The following LMBR1L variants were observed in gnomAD, a reference collection of about 807,000 sequenced individuals.
LMBR1L encodes protein LMBR1L.
Under a neutral mutation model 67.3 loss-of-function variants are expected in LMBR1L, and 47 were observed. The observed-to-expected ratio is 0.70, with a 90% CI of 0.55 to 0.89. The LOEUF is 0.89. LMBR1L is among the 40% of genes least tolerant of loss of function. The pLI is 0.00. For missense variants in LMBR1L, 533 were observed against 599.2 expected (o/e 0.89, Z 1.15); for synonymous variants, 247 against 250.3 (o/e 0.99, Z 0.13).
At chr12:49,104,380 A>T in intron 5 of LMBR1L, 68 bp downstream of exon 5, 2 of 1,180,718 alleles carry the variant, frequency 1.7e-6, no homozygotes, top group Non-Finnish European at 2.5e-6. Context: ...CCTCTTTATT[A>T]AAATCTCTTC....
chr12:49,110,438 C>T, intron 1 of LMBR1L, 46 bp downstream of exon 1: 1 of 1,582,742 alleles, frequency 6.3e-7, no homozygotes, highest in African/African-American at 1.3e-5. Context: ...CCAACCTCCC[C>T]GTCTCCCGCA....
In LMBR1L at chr12:49,104,786, C is replaced by T; in HGVS notation, c.291G>A (p.Arg97=). 6.2e-7 allele frequency: 1 copy of T among 1,613,732 alleles called. No individual in the cohort carries two copies. The highest frequency in any genetic ancestry group is 8.5e-7 in the Non-Finnish European group (1 of 1,179,874). The part of the protein sequence containing the change: ...ISNEVLLSLP[R]NYYIQWLNGS... ...CGTTGAGCCACTGGATGTAGTAGTT[C>T]CGAGGCAGGGAGAGCAGCACCTCAT... The change falls in exon 4 of 17, where the codon CGG becomes CGA. Residue 97 remains arginine (R), a synonymous_variant. Transcript: ENST00000267102.
chr12:49,106,022 G>C, intron 2 of LMBR1L, 65 bp from the exon 3 acceptor site: 1 of 1,376,186 alleles, frequency 7.3e-7, no homozygotes, highest in South Asian at 1.2e-5. Flanking sequence ...GAGGCCGTTA[G>C]TATTACAATG....
At chr12:49,105,029 G>A in intron 3 of LMBR1L, 144 bp from the exon 4 acceptor site, 1 of 921,134 alleles carries the variant, frequency 1.1e-6, no homozygotes. Flanking sequence ...TGTCCAGCTG[G>A]GGTTCTACCC....
chr12:49,102,303 C>G lies in LMBR1L; in HGVS notation c.843G>C (p.Arg281Ser). The change falls in exon 10 of 17, where the codon AGG (arginine) becomes AGC (serine). Residue 281 changes from arginine (R) to serine (S), a missense_variant. Around this residue, in one of 3 missense-constraint regions of LMBR1L, gnomAD observed 64 missense variants for 109.0 expected, o/e 0.59. Coordinates refer to ENST00000267102, the MANE Select transcript of LMBR1L (RefSeq NM_018113.4). The stretch of plus-strand genomic sequence containing the variant: ...TACGAAGCCACATACCCAGCAGGAC[C>G]CTCTGTGTCTGCAGAGCCAGGACCT... Reference protein sequence around the residue: ...HRQVLALQTQRVLLEKRRKAS... With the variant: ...HRQVLALQTQSVLLEKRRKAS... The G allele has an allele frequency of 1.9e-6, 3 of 1,614,222 alleles. No homozygotes were observed. Among genetic ancestry groups the G allele is most frequent in the Non-Finnish European group, 2.5e-6 (3 of 1,180,020 alleles).
At chr12:49,103,012 C>T in intron 7 of LMBR1L, 61 bp from the exon 8 acceptor site, 2 of 1,605,652 alleles carry the variant, frequency 1.2e-6, no homozygotes, top group African/African-American at 1.3e-5. Context: ...CCTAACATGC[C>T]CCCCATTCCC....
At chr12:49,099,983 C>T (rs1461382877) in intron 15 of LMBR1L, among the ~76,000 whole-genome samples, 1 of 152,192 alleles carries the variant, frequency 6.6e-6, no homozygotes, top group African/African-American at 2.4e-5. Context: ...AAGCACTAGC[C>T]TGGGGTTCAG....
At chr12:49,109,099 C>G (rs1941253165) in intron 1 of LMBR1L, among the ~76,000 whole-genome samples, 1 of 152,168 alleles carries the variant, frequency 6.6e-6, no homozygotes, top group Non-Finnish European at 1.5e-5. Flanking sequence ...TTCCAAGAAG[C>G]TAGGCTGCTC....
chr12:49,098,243 G>T, intron 15 of LMBR1L, 138 bp from the exon 16 acceptor site: 2 of 878,814 alleles, frequency 2.3e-6, no homozygotes, highest in Non-Finnish European at 3.5e-6. Flanking sequence ...TACCACCCAA[G>T]CTGTCTCAAG....
intron 2 of LMBR1L, 47 bp from the exon 3 acceptor site, chr12:49,106,004 G>A (rs1392178429): frequency 6.5e-7 from 1 of 1,544,196 alleles, no homozygotes; most frequent in East Asian, 2.3e-5. Context: ...ACATCAGGGG[G>A]CAGCTCTGAG....
At chr12:49,105,020 G>T in intron 3 of LMBR1L, 135 bp from the exon 4 acceptor site, 2 of 1,001,708 alleles carry the variant, frequency 2.0e-6, no homozygotes, top group Non-Finnish European at 2.9e-6. Context: ...GGAAGGAGCT[G>T]TCCAGCTGGG....
At chr12:49,106,153 T>C (rs1940877966) in intron 2 of LMBR1L, 196 bp from the exon 3 acceptor site, 1 of 571,264 alleles carries the variant, frequency 1.8e-6, no homozygotes, top group Non-Finnish European at 3.1e-6. Context: ...TAAAAATCAG[T>C]GGTCCCAGGT....
intron 15 of LMBR1L, among the ~76,000 whole-genome samples, chr12:49,099,591 T>G (rs886621953): frequency 3.3e-5 from 5 of 151,836 alleles, no homozygotes; most frequent in Non-Finnish European, 5.9e-5. Context: ...CTTTTTTTTT[T>G]TTTTTTTGAG....
rs374944724 is a variant in LMBR1L at position 49,110,042 on chromosome 12, C to CA, written c.72+441dup. Reference sequence around the variant, plus strand: ...AGGTTCCTCCCGTCTGCCATCCCTACACCTCCCCTCTTTTCTGGAATCAAG... The same window carrying CA: ...AGGTTCCTCCCGTCTGCCATCCCTACAACCTCCCCTCTTTTCTGGAATCAAG... On this transcript the variant is annotated intron_variant, in intron 1 of 16. Coordinates refer to ENST00000267102, the MANE Select transcript of LMBR1L (RefSeq NM_018113.4). 241 of 461,692 alleles carry CA rather than the reference C, an allele frequency of 5.2e-4. 1 individual carries two copies. Among genetic ancestry groups the CA allele is most frequent in the African/African-American group, 4.5e-3 (225 of 50,408 alleles). 28.6% of individuals were successfully genotyped at this position (461,692 alleles called of 1,614,324 possible).
chr12:49,106,402 C>A, intron 2 of LMBR1L: 1 of 406,322 alleles, frequency 2.5e-6, no homozygotes, highest in South Asian at 1.9e-5. Context: ...GGGGACTCAT[C>A]CTGAGCCATC....
rs143674018 is a variant in LMBR1L, at chr12:49,101,201, G to A, written c.1082+49C>T. 4.9e-4 allele frequency: 787 copies of A among 1,614,020 alleles called. 3 individuals are homozygous for A. The African/African-American group carries it at 9.6e-3, about 20-fold the overall frequency. On this transcript the variant is annotated intron_variant, in intron 13 of 16. Coordinates refer to ENST00000267102, the MANE Select transcript of LMBR1L (RefSeq NM_018113.4). ...AAGAAGTGCTCGGTCTAGAGTCCCA[G>A]GAGACAGGTTTGCTGAACAGAGGCA...
chr12:49,103,614 TAC>T, intron 6 of LMBR1L, 71 bp downstream of exon 6: 7 of 1,534,174 alleles, frequency 4.6e-6, no homozygotes, highest in Admixed American at 2.1e-5. Context: ...TTTAGAAGGT[TAC>T]AGTCATTCCA....
At chr12:49,106,823 G>C (rs1940971063) in intron 2 of LMBR1L, 138 bp downstream of exon 2, 1 of 876,948 alleles carries the variant, frequency 1.1e-6, no homozygotes, top group African/African-American at 1.6e-5. Flanking sequence ...CTTGCAGAAA[G>C]GGAGGCTGAA....
At chr12:49,107,201 C>T (rs1422949818) in intron 1 of LMBR1L, 156 bp from the exon 2 acceptor site, 2 of 591,190 alleles carry the variant, frequency 3.4e-6, no homozygotes, top group Non-Finnish European at 5.9e-6. Flanking sequence ...TCTGATCCCC[C>T]AGGTACTTCC....
Sources: gnomAD v4.1 joint callset for allele counts (sites outside exome capture counted in the v4.1 genomes callset) on GRCh38, gnomAD v4.1.1 for gene constraint, gnomAD v4.1.1 regional missense constraint, MANE v1.5 for transcripts, NCBI Gene and HGNC (gene_info 2026-07-23, HGNC 2026-07-21) for gene names.